Variants in TXNRD1 observed in about 807,000 individuals in gnomAD.
The protein encoded by TXNRD1 is thioredoxin reductase 1, cytoplasmic.
TXNRD1 carries 57 observed loss-of-function variants against 80.3 expected under a neutral mutation model. The observed-to-expected ratio is 0.71, with a 90% CI of 0.57 to 0.89. The LOEUF is 0.89. Among genes scored for constraint, TXNRD1 ranks in the 40% least tolerant of loss-of-function variants. The pLI, the probability that TXNRD1 is intolerant of heterozygous loss-of-function variation, is 0.00. For synonymous variants in TXNRD1, 291 were observed against 285.2 expected, an observed-to-expected ratio of 1.02 and a Z score of -0.20; for missense variants, 730 against 803.0, an observed-to-expected ratio of 0.91 and a Z score of 1.10.
At chr12:104,250,954 G>T (rs555807915) in intron 1 of TXNRD1, among the ~76,000 whole-genome samples, 24 of 152,284 alleles carry the variant, frequency 1.6e-4, no homozygotes, top group African/African-American at 5.5e-4. Flanking sequence ...TGTTTGTTTT[G>T]ATGCCTGATT....
At chr12:104,342,063 T>C (rs1224523088) in intron 16 of TXNRD1, among the ~76,000 whole-genome samples, 2 of 152,186 alleles carry the variant, frequency 1.3e-5, no homozygotes, top group Non-Finnish European at 2.9e-5. Context: ...AGCACCTTGA[T>C]ATTCACCAAC....
chr12:104,264,186 A>G (rs10745996), intron 3 of TXNRD1, among the ~76,000 whole-genome samples: 138,449 of 152,286 alleles, frequency 0.91, 63,140 homozygotes, highest in Middle Eastern at 0.97. Context: ...GCACAACCTC[A>G]TTCTTTAAGA....
intron 6 of TXNRD1, 82 bp downstream of exon 6, chr12:104,313,399 A>AT (rs112304230): frequency 9.4e-7 from 1 of 1,062,416 alleles, no homozygotes; most frequent in Non-Finnish European, 1.4e-6. Flanking sequence ...CTAAAGCCTA[A>AT]TTAAAAAAAT....
intron 1 of TXNRD1, among the ~76,000 whole-genome samples, chr12:104,222,355 C>G (rs139957085): frequency 1.3e-5 from 2 of 151,286 alleles, no homozygotes; most frequent in Non-Finnish European, 2.9e-5. Flanking sequence ...GTTTTCGAAA[C>G]GTTAAAAATA....
intron 2 of TXNRD1, among the ~76,000 whole-genome samples, chr12:104,254,045 CA>C (rs1444379512): frequency 1.3e-5 from 2 of 152,130 alleles, no homozygotes; most frequent in Admixed American, 1.3e-4. Flanking sequence ...TTTTCGTTAC[CA>C]AACAGGTTAA....
intron 16 of TXNRD1, among the ~76,000 whole-genome samples, chr12:104,347,766 T>C (rs1238960154): frequency 1.3e-5 from 2 of 152,212 alleles, no homozygotes; most frequent in Non-Finnish European, 1.5e-5. Flanking sequence ...TGTTGTTCTA[T>C]ACTATAGTGA....
chr12:104,319,085 T>A (rs1593831537), intron 8 of TXNRD1, 30 bp downstream of exon 8: 1 of 1,569,048 alleles, frequency 6.4e-7, no homozygotes, highest in Non-Finnish European at 8.6e-7. Flanking sequence ...ACTAGCTTTT[T>A]TTTTTTCTTT....
chr12:104,227,177 T>C (rs1301236508), intron 1 of TXNRD1, among the ~76,000 whole-genome samples: 1 of 152,198 alleles, frequency 6.6e-6, no homozygotes, highest in Admixed American at 6.5e-5. Flanking sequence ...ATATATCTAG[T>C]AGGATATCTT....
At chr12:104,324,198 A>G (rs2035670898) in intron 10 of TXNRD1, among the ~76,000 whole-genome samples, 1 of 152,318 alleles carries the variant, frequency 6.6e-6, no homozygotes, top group Admixed American at 6.5e-5. Context: ...CAAGGATTAG[A>G]ACATTTTGAT....
intron 16 of TXNRD1, among the ~76,000 whole-genome samples, chr12:104,339,743 G>A (rs1329039757): frequency 2.0e-5 from 3 of 152,260 alleles, no homozygotes; most frequent in East Asian, 1.9e-4. Flanking sequence ...GTGTTTCTTC[G>A]CTACCAGTGA....
rs368447031 is a variant in TXNRD1, at chr12:104,215,796, G to C, written c.-7G>C. The C allele has an allele frequency of 5.5e-5, 86 of 1,555,080 alleles. No individual in the cohort carries two copies. Among genetic ancestry groups the C allele is most frequent in the Non-Finnish European group, 6.9e-5 (79 of 1,149,672 alleles). Reference sequence around the variant, plus strand: ...GCTCCGTCAGTTCCCACAGGGCCTTGTGCGACATGGGCTGCGCCGAGGGCA... The same window carrying C: ...GCTCCGTCAGTTCCCACAGGGCCTTCTGCGACATGGGCTGCGCCGAGGGCA... On this transcript the variant is annotated 5_prime_UTR_variant, in exon 1 of 17. Transcript: ENST00000525566.
At chr12:104,338,885 T>G (rs1333922988) in intron 15 of TXNRD1, among the ~76,000 whole-genome samples, 3 of 151,520 alleles carry the variant, frequency 2.0e-5, no homozygotes, top group Non-Finnish European at 4.4e-5. Flanking sequence ...CCCGGCTAAT[T>G]TTTTGTATTT....
intron 2 of TXNRD1, among the ~76,000 whole-genome samples, chr12:104,252,662 T>TCTATATA (rs756948232): frequency 2.2e-5 from 1 of 45,820 alleles, no homozygotes; most frequent in African/African-American, 8.5e-5. Flanking sequence ...TTATTATTTT[T>TCTATATA]TATATATATA....
intron 2 of TXNRD1, 42 bp downstream of exon 2, chr12:104,251,720 A>G: frequency 6.3e-7 from 1 of 1,596,160 alleles, no homozygotes; most frequent in Non-Finnish European, 8.5e-7. Flanking sequence ...AATTGAAGGA[A>G]TTTGACAGAC....
chr12:104,254,506 C>T (rs1425619328), intron 2 of TXNRD1, among the ~76,000 whole-genome samples: 3 of 151,020 alleles, frequency 2.0e-5, no homozygotes, highest in African/African-American at 7.3e-5. Flanking sequence ...ATTAAAGAAT[C>T]GGGAGCTGGG....
At chr12:104,323,978 C>A (rs376345169) in intron 10 of TXNRD1, among the ~76,000 whole-genome samples, 2 of 152,104 alleles carry the variant, frequency 1.3e-5, no homozygotes, top group Non-Finnish European at 2.9e-5. Context: ...ATAAAGTGAC[C>A]GAATGGAAGG....
chr12:104,310,057 T>G, intron 4 of TXNRD1: 3 of 1,535,228 alleles, frequency 2.0e-6, no homozygotes, highest in Non-Finnish European at 2.6e-6. Context: ...TTTCACCCCC[T>G]ACATCTGATA....
intron 1 of TXNRD1, among the ~76,000 whole-genome samples, chr12:104,222,072 A>G (rs1211171915): frequency 1.3e-5 from 2 of 152,100 alleles, no homozygotes; most frequent in South Asian, 2.1e-4. Context: ...AGAAATCTCT[A>G]TTTATCATTT....
In TXNRD1 at chr12:104,309,955, C is replaced by T. The variant is rs1328569531; in HGVS notation, c.415-1335C>T. 7.2e-6 allele frequency: 11 copies of T among 1,535,898 alleles called. No homozygotes were observed. The East Asian group carries it at 2.7e-4, about 38-fold the overall frequency. On this transcript the variant is annotated intron_variant, in intron 4 of 16. Coordinates refer to ENST00000525566, the MANE Select transcript of TXNRD1 (RefSeq NM_001093771.3). ...TGCCCGCCATGCTGCCAACAGGTAG[C>T]CACAGTGCTGTGCTTCCTCCTTCAC...
Sources: gnomAD v4.1 joint callset for allele counts (sites outside exome capture counted in the v4.1 genomes callset) on GRCh38, gnomAD v4.1.1 for gene constraint, MANE v1.5 for transcripts, NCBI Gene and HGNC (gene_info 2026-07-23, HGNC 2026-07-21) for gene names.